Variants in MSN observed in about 807,000 individuals in gnomAD.
MSN encodes epididymis luminal protein 70.
In MSN, 2 loss-of-function variants were observed where a neutral mutation model predicts 48.0. The observed-to-expected ratio is 0.04, with a 90% CI of 0.02 to 0.13. The LOEUF (loss-of-function observed/expected upper bound fraction) is 0.13. MSN is among the 10% of genes least tolerant of loss of function. The pLI, the probability that MSN is intolerant of heterozygous loss-of-function variation, is 1.00. For synonymous variants in MSN, 146 were observed against 166.9 expected (o/e 0.87, Z 0.97); for missense variants, 267 against 470.1 (o/e 0.57, Z 3.99).
chrX:65,664,062 A>G (rs1235034227), upstream of MSN, among the ~76,000 whole-genome samples: 737 of 109,239 alleles, frequency 6.7e-3, 7 homozygotes, highest in African/African-American at 0.024. Flanking sequence ...TCCATCTCAA[A>G]AAAAAAAAAA....
chrX:65,639,204 C>T (rs1367817968), intron 1 of MSN, among the ~76,000 whole-genome samples: 2 of 111,260 alleles, frequency 1.8e-5, no homozygotes, highest in Non-Finnish European at 3.8e-5. Flanking sequence ...AGTGCAATGG[C>T]ATGATCTTGG....
chrX:65,681,319 G>T (rs777859228), intron 1 of MSN, among the ~76,000 whole-genome samples: 6 of 111,927 alleles, frequency 5.4e-5, no homozygotes, highest in African/African-American at 1.6e-4. Context: ...TTCATTAAAC[G>T]TGTGCATTTG....
chrX:65,641,550 G>GTATATATA (rs1168302693), intron 1 of MSN, among the ~76,000 whole-genome samples: 14 of 15,391 alleles, frequency 9.1e-4, no homozygotes, highest in Non-Finnish European at 1.1e-3. Context: ...AAAAAGTGAA[G>GTATATATA]TATATATATA....
intron 2 of MSN, 98 bp downstream of exon 2, chrX:65,716,999 T>C (rs958733781): frequency 1.3e-6 from 1 of 766,171 alleles, no homozygotes. Context: ...AGAATCTCTC[T>C]TCCTGTTCAC....
chrX:65,687,288 C>T (rs1165526117), intron 1 of MSN, among the ~76,000 whole-genome samples: 1 of 111,626 alleles, frequency 9.0e-6, no homozygotes, highest in Admixed American at 9.6e-5. Context: ...GCAGAGGTTG[C>T]AGTGAGCTGA....
chrX:65,674,297 A>G (rs2070973923), intron 1 of MSN, among the ~76,000 whole-genome samples: 1 of 111,549 alleles, frequency 9.0e-6, no homozygotes, highest in Non-Finnish European at 1.9e-5. Context: ...TCGAGGTCAC[A>G]TATAGTTGGT....
chrX:65,697,685 C>T (rs2071259073), intron 1 of MSN, among the ~76,000 whole-genome samples: 1 of 112,351 alleles, frequency 8.9e-6, no homozygotes, highest in Non-Finnish European at 1.9e-5. Flanking sequence ...CATTTGGGAC[C>T]TTTTTAAAAC....
intron 1 of MSN, among the ~76,000 whole-genome samples, chrX:65,689,045 T>C (rs2071145644): frequency 1.8e-5 from 2 of 111,554 alleles, no homozygotes; most frequent in South Asian, 7.5e-4. Context: ...GGAAGAGGTA[T>C]TGGAGAATCA....
intron 1 of MSN, among the ~76,000 whole-genome samples, chrX:65,651,084 C>A (rs1016173033): frequency 9.0e-6 from 1 of 111,395 alleles, no homozygotes; most frequent in Non-Finnish European, 1.9e-5. Flanking sequence ...CCATCTGCAA[C>A]CTTAATTCCT....
chrX:65,604,967 G>A (rs945374889), intron 1 of MSN, among the ~76,000 whole-genome samples: 4 of 111,773 alleles, frequency 3.6e-5, no homozygotes, highest in Admixed American at 1.9e-4. Context: ...GTCGGTTTAT[G>A]TCATTCCTCT....
intron 1 of MSN, among the ~76,000 whole-genome samples, chrX:65,714,306 G>T (rs2071441666): frequency 9.0e-6 from 1 of 111,695 alleles, no homozygotes; most frequent in Non-Finnish European, 1.9e-5. Context: ...ATGATAGAAT[G>T]ATTTATATTC....
chrX:65,619,966 C>G (rs1350516680), intron 1 of MSN, among the ~76,000 whole-genome samples: 1 of 110,799 alleles, frequency 9.0e-6, no homozygotes, highest in East Asian at 2.8e-4. Context: ...AGTACCCGGC[C>G]GTGTGAGGTG....
intron 1 of MSN, among the ~76,000 whole-genome samples, chrX:65,660,318 T>C (rs149663259): frequency 0.014 from 1,548 of 112,104 alleles, 25 homozygotes; most frequent in African/African-American, 0.047. Flanking sequence ...ATGCTACTGA[T>C]TTTTGTACAT....
At chrX:65,697,380 T>C (rs886212327) in intron 1 of MSN, among the ~76,000 whole-genome samples, 2 of 111,551 alleles carry the variant, frequency 1.8e-5, no homozygotes, top group African/African-American at 6.5e-5. Flanking sequence ...TTCAGATGGA[T>C]GTTCAGCCAC....
At chrX:65,636,747 CAAAAAAAAAA>C (rs1219240320) in intron 1 of MSN, among the ~76,000 whole-genome samples, 2 of 6,338 alleles carry the variant, frequency 3.2e-4, no homozygotes, top group African/African-American at 7.5e-4. Context: ...AACTCCATCT[CAAAAAAAAAA>C]AAAAAAAAAA....
chrX:65,596,057 G>A (rs1228696765), intron 1 of MSN, among the ~76,000 whole-genome samples: 1 of 111,564 alleles, frequency 9.0e-6, no homozygotes, highest in African/African-American at 3.3e-5. Flanking sequence ...ATAATGTTAG[G>A]CATCTAGTTC....
intron 1 of MSN, among the ~76,000 whole-genome samples, chrX:65,609,168 G>A (rs2070300859): frequency 1.9e-5 from 2 of 106,535 alleles, no homozygotes; most frequent in Non-Finnish European, 3.9e-5. Context: ...AGTAGGGAAG[G>A]GAAGAGATTG....
exon 1 of MSN, chrX:65,588,422 G>T: frequency 3.1e-6 from 1 of 324,848 alleles, no homozygotes; most frequent in Non-Finnish European, 4.3e-6. Flanking sequence ...GAAAACCTTA[G>T]CTCTTGGCTA....
chrX:65,690,743 G>A (rs985481797), intron 1 of MSN, among the ~76,000 whole-genome samples: 1 of 111,487 alleles, frequency 9.0e-6, no homozygotes, highest in Non-Finnish European at 1.9e-5. Context: ...TCTGCTTCCT[G>A]CTTCAGCTGG....
Sources: gnomAD v4.1 joint callset for allele counts (sites outside exome capture counted in the v4.1 genomes callset) on GRCh38, gnomAD v4.1.1 for gene constraint, MANE v1.5 for transcripts, NCBI Gene and HGNC (gene_info 2026-07-23, HGNC 2026-07-21) for gene names.